Variants in CACNA1A observed in about 807,000 individuals in gnomAD.
CACNA1A encodes the protein calcium voltage-gated channel subunit alpha1 A, also known as voltage-dependent P/Q-type calcium channel subunit alpha-1A.
Under a neutral mutation model 262.4 loss-of-function variants are expected in CACNA1A, and 57 were observed. That is an observed-to-expected ratio of 0.22 (90% CI 0.18 to 0.27). The LOEUF (loss-of-function observed/expected upper bound fraction) is 0.27. Ranked by LOEUF, CACNA1A falls within the 10% of genes least tolerant of loss-of-function variation. CACNA1A has a pLI of 1.00. For synonymous variants in CACNA1A, 1,431 were observed against 1,419.3 expected (o/e 1.01, Z -0.18); for missense variants, 2,526 against 3,562.8 (o/e 0.71, Z 7.41).
intron 1 of CACNA1A, among the ~76,000 whole-genome samples, chr19:13,464,143 C>T (rs2144992694): frequency 6.6e-6 from 1 of 152,304 alleles, no homozygotes; most frequent in East Asian, 1.9e-4. Flanking sequence ...CATCTCAGCC[C>T]TTTGGGAGGC....
intron 44 of CACNA1A, among the ~76,000 whole-genome samples, chr19:13,209,804 G>C (rs2054736540): frequency 6.6e-6 from 1 of 152,154 alleles, no homozygotes; most frequent in Non-Finnish European, 1.5e-5. Context: ...AGTCCTGGGG[G>C]CCCAGCCACA....
intron 3 of CACNA1A, among the ~76,000 whole-genome samples, chr19:13,384,836 C>T (rs1378306758): frequency 6.6e-6 from 1 of 152,098 alleles, no homozygotes; most frequent in Non-Finnish European, 1.5e-5. Context: ...TTTCATACGG[C>T]ATCAGGGTCA....
intron 3 of CACNA1A, among the ~76,000 whole-genome samples, chr19:13,434,969 T>C (rs895093255): frequency 2.6e-5 from 4 of 151,942 alleles, no homozygotes; most frequent in Admixed American, 2.0e-4. Context: ...TTTGTACTTT[T>C]AGTAGAGACA....
intron 40 of CACNA1A, chr19:13,213,914 G>A (rs544992520): frequency 6.9e-6 from 2 of 290,562 alleles, no homozygotes; most frequent in South Asian, 4.6e-5. Flanking sequence ...TCCCACTCCT[G>A]GCCTCAAGTG....
intron 1 of CACNA1A, among the ~76,000 whole-genome samples, chr19:13,487,247 C>CA (rs1190713019): frequency 1.3e-5 from 2 of 152,172 alleles, no homozygotes; most frequent in African/African-American, 4.8e-5. Context: ...GAGAGCAGAA[C>CA]ATGGACCTGC....
chr19:13,239,033 C>T (rs1764345147), intron 31 of CACNA1A, among the ~76,000 whole-genome samples: 1 of 152,162 alleles, frequency 6.6e-6, no homozygotes, highest in Non-Finnish European at 1.5e-5. Context: ...CTGGTGCCCA[C>T]CTCCAGCCCA....
intron 34 of CACNA1A, 148 bp from the exon 35 acceptor site, chr19:13,232,008 C>G (rs1242761566): frequency 2.9e-6 from 2 of 693,184 alleles, no homozygotes; most frequent in African/African-American, 3.6e-5. Context: ...TTACTGGGAG[C>G]TGAGAGAAGG....
At chr19:13,415,773 A>AAAAAAT (rs2060209678) in intron 3 of CACNA1A, among the ~76,000 whole-genome samples, 3 of 132,608 alleles carry the variant, frequency 2.3e-5, no homozygotes, top group Admixed American at 7.6e-5. Flanking sequence ...AAAAAAAAAA[A>AAAAAAT]GTAGATGGGG....
intron 5 of CACNA1A, chr19:13,362,285 T>G (rs1399308141): frequency 6.6e-6 from 1 of 152,140 alleles, no homozygotes; most frequent in African/African-American, 2.4e-5. Flanking sequence ...GTAACCTCTA[T>G]GTCCCAGGTT....
At chr19:13,267,328 G>C (rs1349323958) in intron 24 of CACNA1A, among the ~76,000 whole-genome samples, 3 of 152,156 alleles carry the variant, frequency 2.0e-5, no homozygotes, top group Non-Finnish European at 2.9e-5. Context: ...GGGAGCCTCA[G>C]GCTCATGGCG....
At chr19:13,326,270 G>A (rs556599133) in intron 10 of CACNA1A, among the ~76,000 whole-genome samples, 2 of 151,192 alleles carry the variant, frequency 1.3e-5, no homozygotes, top group African/African-American at 2.4e-5. Flanking sequence ...AGCCGAGATC[G>A]CACCACTGCA....
At chr19:13,251,983 C>G (rs1600173171) in intron 30 of CACNA1A, among the ~76,000 whole-genome samples, 1 of 151,996 alleles carries the variant, frequency 6.6e-6, no homozygotes, top group Non-Finnish European at 1.5e-5. Context: ...CCAGGGTGGT[C>G]TCGAACTCCT....
chr19:13,304,953 G>T (rs932013979), intron 15 of CACNA1A, among the ~76,000 whole-genome samples: 12 of 152,200 alleles, frequency 7.9e-5, no homozygotes, highest in African/African-American at 2.9e-4. Context: ...TCATGGTGAT[G>T]ATTAAACAAG....
intron 3 of CACNA1A, among the ~76,000 whole-genome samples, chr19:13,444,676 A>G (rs1332517756): frequency 6.6e-6 from 1 of 152,162 alleles, no homozygotes; most frequent in Admixed American, 6.5e-5. Context: ...GATATTAAAC[A>G]TTTATACCAC....
chr19:13,313,470 A>AGTCCG (rs1431279979), intron 11 of CACNA1A, among the ~76,000 whole-genome samples: 1 of 138,930 alleles, frequency 7.2e-6, no homozygotes, highest in Non-Finnish European at 1.5e-5. Flanking sequence ...ACCCTACTGT[A>AGTCCG]GCCTGGGTGA....
chr19:13,461,824 G>C (rs987857860), intron 1 of CACNA1A, among the ~76,000 whole-genome samples: 1 of 152,174 alleles, frequency 6.6e-6, no homozygotes, highest in Non-Finnish European at 1.5e-5. Context: ...AAAGCGGGGC[G>C]GGGGCTGAAA....
chr19:13,279,414 C>T (rs1008247928), intron 22 of CACNA1A, among the ~76,000 whole-genome samples: 1 of 152,102 alleles, frequency 6.6e-6, no homozygotes, highest in Non-Finnish European at 1.5e-5. Context: ...TCGACAGTAC[C>T]AAGTGTTGAC....
chr19:13,283,181 C>T (rs1172374905), intron 22 of CACNA1A, 86 bp downstream of exon 22: 1 of 1,536,108 alleles, frequency 6.5e-7, no homozygotes, highest in Non-Finnish European at 8.9e-7. Context: ...AACATCCCAC[C>T]CTACCTATGA....
intron 1 of CACNA1A, among the ~76,000 whole-genome samples, chr19:13,461,819 G>A (rs1002469423): frequency 6.6e-6 from 1 of 152,200 alleles, no homozygotes; most frequent in Admixed American, 6.5e-5. Context: ...AGGCCAAAGC[G>A]GGGCGGGGGC....
Sources: allele counts gnomAD v4.1 joint callset (sites outside exome capture counted in the v4.1 genomes callset), GRCh38; gene constraint gnomAD v4.1.1; transcripts MANE v1.5; gene names NCBI Gene and HGNC (gene_info 2026-07-23, HGNC 2026-07-21).